The following CNTNAP2 variants were observed in gnomAD, a reference collection of about 807,000 sequenced individuals.
CNTNAP2 encodes the protein contactin associated protein 2, also known as contactin-associated protein-like 2.
Under a neutral mutation model 155.2 loss-of-function variants are expected in CNTNAP2, and 98 were observed. The ratio of observed to expected loss-of-function variants is 0.63; its 90% CI spans 0.54 to 0.75. The LOEUF is 0.75. Ranked by LOEUF, CNTNAP2 falls within the 30% of genes least tolerant of loss-of-function variation. CNTNAP2 has a pLI of 0.00. For synonymous variants in CNTNAP2, 651 were observed against 631.2 expected (o/e 1.03, Z -0.47); for missense variants, 1,727 against 1,688.1 (o/e 1.02, Z -0.40).
intron 14 of CNTNAP2, among the ~76,000 whole-genome samples, chr7:147,975,777 C>G (rs1031448654): frequency 1.3e-5 from 2 of 152,096 alleles, no homozygotes; most frequent in African/African-American, 4.8e-5. Flanking sequence ...CCTCTTTGGT[C>G]CCTTCCCAAA....
chr7:147,066,555 T>C (rs1040927283), intron 4 of CNTNAP2, among the ~76,000 whole-genome samples: 1 of 152,246 alleles, frequency 6.6e-6, no homozygotes, highest in Admixed American at 6.5e-5. Context: ...AGATTTTAAG[T>C]TTCCTAAAAT....
intron 1 of CNTNAP2, among the ~76,000 whole-genome samples, chr7:146,178,493 A>T (rs1035841932): frequency 6.6e-6 from 1 of 152,194 alleles, no homozygotes; most frequent in African/African-American, 2.4e-5. Flanking sequence ...ATATTACTCC[A>T]TACAATACAG....
At chr7:147,427,945 A>C (rs1420471655) in intron 10 of CNTNAP2, among the ~76,000 whole-genome samples, 1 of 152,202 alleles carries the variant, frequency 6.6e-6, no homozygotes, top group African/African-American at 2.4e-5. Flanking sequence ...AAAGGGTATA[A>C]GGCAAGGAAA....
intron 14 of CNTNAP2, among the ~76,000 whole-genome samples, chr7:147,916,637 T>C (rs1408774490): frequency 6.8e-6 from 1 of 146,960 alleles, no homozygotes. Flanking sequence ...AGTATTTCTC[T>C]CCACTTGCTT....
Position 147,465,644 on chromosome 7 carries a change from G to A in CNTNAP2, c.1671-20291G>A, listed in dbSNP as rs563619952. Among the ~76,000 whole-genome samples, 11 of 152,208 alleles carry A rather than the reference G, an allele frequency of 7.2e-5. No homozygotes were observed. The East Asian group carries it at 9.6e-4, about 13-fold the overall frequency. Reference sequence around the variant, plus strand: ...TCAGCAGACGCTAATTCTTTTTCCCGTATCATTTAAAAAGTTATTAGATCC... The same window carrying A: ...TCAGCAGACGCTAATTCTTTTTCCCATATCATTTAAAAAGTTATTAGATCC... On this transcript the variant is annotated intron_variant, in intron 10 of 23. Coordinates refer to ENST00000361727, the MANE Select transcript of CNTNAP2 (RefSeq NM_014141.6).
chr7:146,498,925 T>C (rs1238874470), intron 1 of CNTNAP2, among the ~76,000 whole-genome samples: 2 of 152,158 alleles, frequency 1.3e-5, no homozygotes, highest in East Asian at 1.9e-4. Context: ...TAGTGTAAGA[T>C]CAAGAAGTAT....
chr7:146,317,542 C>G (rs1407932528), intron 1 of CNTNAP2, among the ~76,000 whole-genome samples: 1 of 152,210 alleles, frequency 6.6e-6, no homozygotes, highest in Non-Finnish European at 1.5e-5. Flanking sequence ...CTGATTTCGT[C>G]TCAGTCTGCC....
chr7:148,162,165 G>C (rs1003647112), intron 17 of CNTNAP2, among the ~76,000 whole-genome samples: 4 of 152,272 alleles, frequency 2.6e-5, no homozygotes, highest in African/African-American at 4.8e-5. Flanking sequence ...AGCAGGAGAG[G>C]GGGAGGGGGA....
intron 8 of CNTNAP2, among the ~76,000 whole-genome samples, chr7:147,219,002 A>G (rs531151433): frequency 6.6e-6 from 1 of 152,298 alleles, no homozygotes; most frequent in Non-Finnish European, 1.5e-5. Context: ...ACAGAAATGT[A>G]TTGGCTCATA....
chr7:148,283,304 A>AAAGAAAGGAAGGAAGG (rs1278484699), intron 21 of CNTNAP2, among the ~76,000 whole-genome samples: 1 of 89,414 alleles, frequency 1.1e-5, no homozygotes, highest in African/African-American at 5.8e-5. Flanking sequence ...AGAAAGAAAG[A>AAAGAAAGGAAGGAAGG]AAGGAAGGAA....
intron 9 of CNTNAP2, among the ~76,000 whole-genome samples, chr7:147,349,219 T>C (rs1407090821): frequency 6.6e-6 from 1 of 151,926 alleles, no homozygotes; most frequent in Admixed American, 6.6e-5. Flanking sequence ...ATACATTATA[T>C]GTATTGAAAC....
chr7:146,947,386 C>G, intron 3 of CNTNAP2, among the ~76,000 whole-genome samples: 1 of 91,896 alleles, frequency 1.1e-5, no homozygotes. Context: ...TTCTCTCTTT[C>G]TCTCTCTCTC....
intron 22 of CNTNAP2, among the ~76,000 whole-genome samples, chr7:148,384,535 GTCGTACTCCTAGC>G (rs1171602381): frequency 8.5e-5 from 13 of 152,192 alleles, no homozygotes; most frequent in African/African-American, 3.1e-4. Flanking sequence ...GGAGACTTAG[GTCGTACTCCTAGC>G]TCCACCTAAA....
chr7:147,176,927 A>G (rs1355494297), intron 8 of CNTNAP2, among the ~76,000 whole-genome samples: 1 of 132,492 alleles, frequency 7.5e-6, no homozygotes, highest in African/African-American at 3.0e-5. Flanking sequence ...TTAATAATAT[A>G]ATATATAATA....
At chr7:147,849,919 C>G (rs1798895821) in intron 13 of CNTNAP2, 1 of 152,244 alleles carries the variant, frequency 6.6e-6, no homozygotes, top group African/African-American at 2.4e-5. Flanking sequence ...TGCCTGATCT[C>G]AGAAGCTAAG....
At chr7:147,612,647 C>T (rs34590968) in intron 12 of CNTNAP2, among the ~76,000 whole-genome samples, 25,674 of 152,006 alleles carry the variant, frequency 0.17, 2,522 homozygotes, top group East Asian at 0.34. Context: ...GCAATCTGCC[C>T]GCCTTGGCCT....
At chr7:147,359,714 G>C (rs1400424742) in intron 9 of CNTNAP2, among the ~76,000 whole-genome samples, 1 of 151,994 alleles carries the variant, frequency 6.6e-6, no homozygotes, top group Admixed American at 6.6e-5. Context: ...TCTCTTACTT[G>C]CTCACATGGC....
chr7:146,733,362 C>T (rs989275826), intron 1 of CNTNAP2, among the ~76,000 whole-genome samples: 1 of 151,962 alleles, frequency 6.6e-6, no homozygotes, highest in Non-Finnish European at 1.5e-5. Flanking sequence ...TTATTCTTTT[C>T]AGTTGTCATT....
chr7:146,519,780 T>G (rs1448622413), intron 1 of CNTNAP2, among the ~76,000 whole-genome samples: 1 of 151,854 alleles, frequency 6.6e-6, no homozygotes, highest in Non-Finnish European at 1.5e-5. Context: ...GAAGCTGGCT[T>G]TTGAATAGTG....
Sources: allele counts gnomAD v4.1 joint callset (sites outside exome capture counted in the v4.1 genomes callset), GRCh38; gene constraint gnomAD v4.1.1; transcripts MANE v1.5; gene names NCBI Gene and HGNC (gene_info 2026-07-23, HGNC 2026-07-21).